The following DRC8 variants were observed in gnomAD, a reference collection of about 807,000 sequenced individuals.
DRC8 encodes the protein dynein regulatory complex subunit 8.
the DRC8 span, among the ~76,000 whole-genome samples, chr1:245,076,949 T>A: frequency 3.9e-5 from 6 of 152,180 alleles, no homozygotes; most frequent in East Asian, 3.9e-4. Flanking sequence ...ATGGTCTCGA[T>A]CTCCTGACCT....
chr1:245,116,043 G>A, the DRC8 span, among the ~76,000 whole-genome samples: 2 of 152,108 alleles, frequency 1.3e-5, no homozygotes, highest in Admixed American at 6.5e-5. Context: ...CCATCGCCAT[G>A]CCTGGCTAGT....
the DRC8 span, among the ~76,000 whole-genome samples, chr1:245,085,516 A>G: frequency 1.3e-5 from 2 of 152,202 alleles, no homozygotes; most frequent in Admixed American, 1.3e-4. Flanking sequence ...ATGCTATTTC[A>G]GAGAGAAAAT....
chr1:245,118,810 G>GAAAAGAAAAGAAAAGAAAAGAAAAT, the DRC8 span, among the ~76,000 whole-genome samples: 611 of 83,216 alleles, frequency 7.3e-3, 6 homozygotes, highest in African/African-American at 0.033. Flanking sequence ...GAAAAGAAAA[G>GAAAAGAAAAGAAAAGAAAAGAAAAT]AAAAGAAAAG....
At chr1:244,995,073 A>G in the DRC8 span, among the ~76,000 whole-genome samples, 1 of 151,900 alleles carries the variant, frequency 6.6e-6, no homozygotes, top group East Asian at 1.9e-4. Flanking sequence ...TAAAAGAGAC[A>G]GGTTCTCGGC....
chr1:244,970,435 A>T, the DRC8 span: 11 of 1,535,214 alleles, frequency 7.2e-6, no homozygotes, highest in Non-Finnish European at 9.6e-6. Context: ...GACGAGAAGG[A>T]CAGGGAAGGT....
the DRC8 span, among the ~76,000 whole-genome samples, chr1:244,984,451 G>T: frequency 6.6e-6 from 1 of 152,116 alleles, no homozygotes; most frequent in African/African-American, 2.4e-5. Context: ...AATATTTGTT[G>T]CAAGAATGCA....
chr1:245,051,621 G>A, the DRC8 span, among the ~76,000 whole-genome samples: 814 of 152,250 alleles, frequency 5.3e-3, 4 homozygotes, highest in African/African-American at 0.018. Flanking sequence ...TGAAGCTGGC[G>A]GTTACAAGAT....
chr1:245,076,963 G>C, the DRC8 span, among the ~76,000 whole-genome samples: 1 of 152,080 alleles, frequency 6.6e-6, no homozygotes, highest in Admixed American at 6.6e-5. Flanking sequence ...CTGACCTCGT[G>C]ATCCGCCCAC....
At chr1:245,105,979 C>T in the DRC8 span, among the ~76,000 whole-genome samples, 818 of 152,124 alleles carry the variant, frequency 5.4e-3, 11 homozygotes, top group African/African-American at 0.018. Context: ...CTGAGGAGGC[C>T]GAGGCAGGAG....
the DRC8 span, among the ~76,000 whole-genome samples, chr1:245,044,632 C>CAGTGGCACCA: frequency 6.6e-6 from 1 of 152,002 alleles, no homozygotes; most frequent in African/African-American, 2.4e-5. Context: ...GGCTGGAGTG[C>CAGTGGCACCA]AGTGGCACCA....
At chr1:244,996,680 C>T in the DRC8 span, among the ~76,000 whole-genome samples, 79,646 of 152,078 alleles carry the variant, frequency 0.52, 23,322 homozygotes, top group East Asian at 0.75. Flanking sequence ...TGGGAATAAA[C>T]GCTTGGAGCC....
At chr1:245,045,188 T>G in the DRC8 span, among the ~76,000 whole-genome samples, 285 of 152,140 alleles carry the variant, frequency 1.9e-3, 1 homozygote, top group African/African-American at 6.5e-3. Context: ...TTTACATTTT[T>G]TTGTAGAAAC....
At chr1:244,975,400 T>C in the DRC8 span, among the ~76,000 whole-genome samples, 4 of 152,298 alleles carry the variant, frequency 2.6e-5, no homozygotes, top group Middle Eastern at 0.01. Context: ...AATTCCGTCT[T>C]CCCCAAGCTC....
At chr1:244,995,420 C>T in the DRC8 span, among the ~76,000 whole-genome samples, 8 of 151,950 alleles carry the variant, frequency 5.3e-5, no homozygotes, top group East Asian at 3.9e-4. Flanking sequence ...TGCAGTGGTG[C>T]GATCATAGCT....
chr1:245,078,402 C>G, the DRC8 span, among the ~76,000 whole-genome samples: 9 of 151,984 alleles, frequency 5.9e-5, no homozygotes, highest in African/African-American at 2.2e-4. Context: ...CAGCATTATT[C>G]ACAGTAGCTA....
At chr1:245,027,913 A>T in the DRC8 span, among the ~76,000 whole-genome samples, 1 of 146,118 alleles carries the variant, frequency 6.8e-6, no homozygotes. Flanking sequence ...TGTTTTTGAG[A>T]CTGGGTCTCC....
At chr1:245,029,652 A>G in the DRC8 span, among the ~76,000 whole-genome samples, 109 of 145,210 alleles carry the variant, frequency 7.5e-4, no homozygotes, top group Non-Finnish European at 1.3e-3. Context: ...CTGGAGTGCA[A>G]TGATGTGACC....
At chr1:244,989,076 TTTGATTTA>T in the DRC8 span, among the ~76,000 whole-genome samples, 1 of 152,032 alleles carries the variant, frequency 6.6e-6, no homozygotes, top group African/African-American at 2.4e-5. Flanking sequence ...ATAAAGTAAT[TTTGATTTA>T]TTTAGTTATT....
chr1:245,007,467 G>T, the DRC8 span, among the ~76,000 whole-genome samples: 1 of 152,162 alleles, frequency 6.6e-6, no homozygotes, highest in Non-Finnish European at 1.5e-5. Flanking sequence ...ATAGCATTGG[G>T]ATTATGCAGG....
Sources: allele counts gnomAD v4.1 joint callset (sites outside exome capture counted in the v4.1 genomes callset), GRCh38; gene constraint gnomAD v4.1.1; transcripts MANE v1.5; gene names NCBI Gene and HGNC (gene_info 2026-07-23, HGNC 2026-07-21).